XPA: variants seen among roughly 807,000 people sequenced by gnomAD.
The protein encoded by XPA is XPA, DNA damage recognition and repair factor, also known as DNA repair protein complementing XP-A cells.
Under a neutral mutation model 35.7 loss-of-function variants are expected in XPA, and 27 were observed. That is an observed-to-expected ratio of 0.76 (90% CI 0.56 to 1.04). The LOEUF (loss-of-function observed/expected upper bound fraction) is 1.04, where lower values mean the gene tolerates loss of function less well. Ranked by LOEUF, XPA falls within the 50% of genes least tolerant of loss-of-function variation. XPA has a pLI of 0.00. For synonymous variants in XPA, 133 were observed against 118.4 expected, an observed-to-expected ratio of 1.12 and a Z score of -0.80; for missense variants, 354 against 342.7, an observed-to-expected ratio of 1.03 and a Z score of -0.26.
the XPA span, among the ~76,000 whole-genome samples, chr9:97,656,308 G>A: frequency 1.2e-4 from 19 of 152,238 alleles, no homozygotes; most frequent in Non-Finnish European, 2.6e-4. Flanking sequence ...CAGGCCGGGC[G>A]CAGTGGCTCA....
rs745492251 is a variant in XPA, at chr9:97,697,173, C to T, written c.120G>A (p.Gln40=). The T allele has an allele frequency of 6.3e-7, 1 of 1,587,248 alleles. No individual in the cohort carries two copies. Among genetic ancestry groups the T allele is most frequent in the South Asian group, 1.1e-5 (1 of 89,246 alleles). The part of the protein sequence containing the change: ...RKRQRALMLR[Q]ARLAARPYSA... ...AGTAGGGCCGGGCAGCCAGCCGGGC[C>T]TGGCGCAGCATCAGTGCCCGCTGCC... The change falls in exon 1 of 6, where the codon CAG becomes CAA. Residue 40 remains glutamine (Q), a synonymous_variant. Coordinates refer to ENST00000375128, the MANE Select transcript of XPA (RefSeq NM_000380.4).
At chr9:97,686,186 CTG>C (rs775342434) in intron 4 of XPA, among the ~76,000 whole-genome samples, 45 of 152,296 alleles carry the variant, frequency 3.0e-4, no homozygotes, top group African/African-American at 1.1e-3. Flanking sequence ...TATATTCAAA[CTG>C]TGCTCTAAAG....
chr9:97,657,926 A>ATTTT, the XPA span, among the ~76,000 whole-genome samples: 1 of 91,400 alleles, frequency 1.1e-5, no homozygotes, highest in African/African-American at 4.0e-5. Context: ...ATATATATAT[A>ATTTT]TTTTTTTTTT....
At chr9:97,689,072 A>T (rs1199952303) in intron 3 of XPA, among the ~76,000 whole-genome samples, 1 of 152,234 alleles carries the variant, frequency 6.6e-6, no homozygotes, top group Admixed American at 6.5e-5. Flanking sequence ...GTTCTTCCTC[A>T]TCTATTCTCT....
Position 97,675,309 on chromosome 9 carries a change from G to A in XPA, c.*130C>T, listed in dbSNP as rs1828318768. Reference sequence around the variant, plus strand: ...CATAACATACATAATTATTACTGAAGTATTACTTATACAAGGGTTTCATTC... The same window carrying A: ...CATAACATACATAATTATTACTGAAATATTACTTATACAAGGGTTTCATTC... On this transcript the variant is annotated 3_prime_UTR_variant, in exon 6 of 6. Transcript: ENST00000375128. 9.8e-7 allele frequency: 1 copy of A among 1,022,782 alleles called. No individual in the cohort carries two copies. Among genetic ancestry groups the A allele is most frequent in the African/African-American group, 1.6e-5 (1 of 60,908 alleles). 63.4% of individuals were successfully genotyped at this position (1,022,782 alleles called of 1,614,324 possible).
chr9:97,674,034 T>C (rs1828276098), downstream of XPA, among the ~76,000 whole-genome samples: 1 of 110,254 alleles, frequency 9.1e-6, no homozygotes, highest in South Asian at 2.8e-4. Flanking sequence ...GAGATGATTA[T>C]GCCCTCTTTA....
chr9:97,678,117 A>G (rs1403677931), intron 5 of XPA, among the ~76,000 whole-genome samples: 1 of 152,140 alleles, frequency 6.6e-6, no homozygotes, highest in African/African-American at 2.4e-5. Flanking sequence ...ATGATGACAT[A>G]AGGCTGGGCA....
At chr9:97,683,198 AC>A (rs1278296105) in intron 5 of XPA, among the ~76,000 whole-genome samples, 1 of 152,174 alleles carries the variant, frequency 6.6e-6, no homozygotes, top group African/African-American at 2.4e-5. Context: ...TTAACAAAAA[AC>A]CCTAGGCTAG....
chr9:97,661,186 C>T, the XPA span: 3 of 1,271,810 alleles, frequency 2.4e-6, no homozygotes, highest in Non-Finnish European at 3.2e-6. Context: ...TTGACCTGTT[C>T]AGACTGTTGT....
At chr9:97,657,272 G>A in the XPA span, among the ~76,000 whole-genome samples, 1 of 152,152 alleles carries the variant, frequency 6.6e-6, no homozygotes, top group South Asian at 2.1e-4. Context: ...AGCCTGGTCT[G>A]AAATCTTATC....
At chr9:97,680,387 G>T (rs3176719) in intron 5 of XPA, among the ~76,000 whole-genome samples, 45,029 of 151,746 alleles carry the variant, frequency 0.3, 7,883 homozygotes, top group African/African-American at 0.48. Flanking sequence ...TTTTGTATTT[G>T]TAGTAGAGAC....
At chr9:97,672,092 C>T (rs1564033016), downstream of XPA, 1 of 152,212 alleles carries the variant, frequency 6.6e-6, no homozygotes, top group East Asian at 1.9e-4. Context: ...GGAACCTGAT[C>T]CAAAAAACTA....
the XPA span, among the ~76,000 whole-genome samples, chr9:97,662,566 C>T: frequency 6.6e-6 from 1 of 152,186 alleles, no homozygotes; most frequent in Non-Finnish European, 1.5e-5. Flanking sequence ...AGAAAGAGCA[C>T]ATAGATTTTC....
chr9:97,662,202 G>A, the XPA span: 2 of 1,231,140 alleles, frequency 1.6e-6, no homozygotes, highest in African/African-American at 1.5e-5. Flanking sequence ...GTGAACACCA[G>A]TGGTATGGTA....
chr9:97,693,610 A>G, intron 2 of XPA, 39 bp downstream of exon 2: 2 of 1,567,628 alleles, frequency 1.3e-6, no homozygotes, highest in Admixed American at 3.3e-5. Context: ...TACTCAAAAT[A>G]ACCAATCTAG....
intron 1 of XPA, among the ~76,000 whole-genome samples, chr9:97,694,749 C>T (rs1283106699): frequency 6.6e-6 from 1 of 152,110 alleles, no homozygotes; most frequent in African/African-American, 2.4e-5. Flanking sequence ...AATTCCATCT[C>T]CAGGCATATA....
downstream of XPA, chr9:97,671,200 G>C (rs758076211): frequency 2.4e-5 from 38 of 1,582,314 alleles, no homozygotes; most frequent in Non-Finnish European, 3.2e-5. Flanking sequence ...GCAGGCCTAA[G>C]GGTCATTTTT....
At chr9:97,675,656 T>A (rs1828339692) in intron 5 of XPA, 69 bp from the exon 6 acceptor site, 1 of 1,588,388 alleles carries the variant, frequency 6.3e-7, no homozygotes, top group Non-Finnish European at 8.6e-7. Flanking sequence ...TCCAACTCCA[T>A]CAAGCTTTCA....
At chr9:97,666,977 A>G in the XPA span, 1 of 921,856 alleles carries the variant, frequency 1.1e-6, no homozygotes, top group East Asian at 2.8e-5. Context: ...ATTTTTTCTG[A>G]GCCCAAATTA....
Sources: allele counts gnomAD v4.1 joint callset (sites outside exome capture counted in the v4.1 genomes callset), GRCh38; gene constraint gnomAD v4.1.1; transcripts MANE v1.5; gene names NCBI Gene and HGNC (gene_info 2026-07-23, HGNC 2026-07-21).